The following ZNF676 variants were observed in gnomAD, a reference collection of about 807,000 sequenced individuals.
The protein encoded by ZNF676 is zinc finger protein 676.
ZNF676 carries 4 observed loss-of-function variants against 6.0 expected under a neutral mutation model. The ratio of observed to expected loss-of-function variants is 0.67; its 90% CI spans 0.33 to 1.53. ZNF676 has a LOEUF of 1.53. ZNF676 is among the 40% of genes most tolerant of loss of function. The pLI is 0.06. For missense variants in ZNF676, 644 were observed against 679.7 expected (o/e 0.95, Z 0.58); for synonymous variants, 198 against 223.1 (o/e 0.89, Z 1.00).
At chr19:22,255,127 T>C in the ZNF676 span, among the ~76,000 whole-genome samples, 6 of 152,180 alleles carry the variant, frequency 3.9e-5, no homozygotes, top group Non-Finnish European at 8.8e-5. Flanking sequence ...ATGAACTGTG[T>C]TCCCTCAGTG....
the ZNF676 span, among the ~76,000 whole-genome samples, chr19:22,251,689 A>G: frequency 6.6e-6 from 1 of 151,846 alleles, no homozygotes; most frequent in African/African-American, 2.4e-5. Context: ...TGAGGAAGCT[A>G]AGGCAGGAGA....
intron 2 of ZNF676, among the ~76,000 whole-genome samples, chr19:22,182,594 A>AAAAAAAAAAAAAAAC (rs2023774097): frequency 1.1e-5 from 1 of 88,728 alleles, no homozygotes; most frequent in African/African-American, 4.7e-5. Flanking sequence ...CTAAAAAAAA[A>AAAAAAAAAAAAAAAC]AAAAAAAAGC....
intron 2 of ZNF676, 23 bp from the exon 3 acceptor site, chr19:22,181,609 A>T: frequency 6.7e-7 from 1 of 1,482,702 alleles, no homozygotes; most frequent in South Asian, 1.4e-5. Flanking sequence ...AAAAATAACA[A>T]ATTAATCTAC....
In ZNF676 at chr19:22,181,260, G is replaced by A; in HGVS notation, c.457C>T (p.Leu153Phe). ...CTTTCATGTTGAGATAGGTGTGAAA[G>A]CATGCAAAATGATCTGACATATTCT... is the stretch of plus-strand genomic sequence containing the variant. ...CKEYVRSFCM[L>F]SHLSQHERIY... is the part of the protein sequence containing the mutation. Residue 153 changes from leucine (L) to phenylalanine (F), a missense_variant, in exon 3 of 3, where the codon CTT becomes TTT. Physicochemically the swap from Leu to Phe is conservative, Grantham distance 22. Transcript: ENST00000397121. 1.9e-6 allele frequency: 3 copies of A among 1,613,740 alleles called. No homozygotes were observed. Among genetic ancestry groups the A allele is most frequent in the Admixed American group, 3.3e-5 (2 of 59,980 alleles).
intron 2 of ZNF676, among the ~76,000 whole-genome samples, chr19:22,182,585 T>TTAAAAAAAAAAAAAAAAAAAAAAAAAAA (rs376894161): frequency 4.4e-5 from 2 of 45,066 alleles, no homozygotes; most frequent in African/African-American, 2.1e-4. Context: ...GTCAAAGTTC[T>TTAAAAAAAAAAAAAAAAAAAAAAAAAAA]AAAAAAAAAA....
upstream of ZNF676, among the ~76,000 whole-genome samples, chr19:22,217,290 C>T (rs2024201950): frequency 6.6e-6 from 1 of 152,194 alleles, no homozygotes; most frequent in Admixed American, 6.5e-5. Context: ...GCAACCTCTG[C>T]CTCCCAGGTT....
chr19:22,242,846 G>C, the ZNF676 span, among the ~76,000 whole-genome samples: 16 of 150,150 alleles, frequency 1.1e-4, no homozygotes, highest in African/African-American at 2.5e-4. Flanking sequence ...CCCAAGTTGG[G>C]GGGGGGCTCT....
At chr19:22,239,719 T>C in the ZNF676 span, among the ~76,000 whole-genome samples, 3 of 152,168 alleles carry the variant, frequency 2.0e-5, no homozygotes, top group African/African-American at 7.2e-5. Context: ...TCACAACATT[T>C]GGGTGCTGGG....
At position 22,180,060 on chromosome 19, in the gene ZNF676, T is replaced by C; in HGVS notation, c.1657A>G (p.Arg553Gly). Residue 553 changes from arginine (R) to glycine (G), a missense_variant, in exon 3 of 3, where the codon AGA (arginine) becomes GGA (glycine). Coordinates refer to ENST00000397121, the MANE Select transcript of ZNF676 (RefSeq NM_001001411.3). ...TAGGGTTTCTCTCCAGTATGAATTC[T>C]CTTGTGTCTAGTAAGGCTTGAGGAT... ...SRSSSLTRHKRIHTGEKPYKC... is the reference protein window; with the variant it reads ...SRSSSLTRHKGIHTGEKPYKC... 1 of 1,613,870 alleles carries C rather than the reference T, an allele frequency of 6.2e-7. No individual in the cohort carries two copies. Among genetic ancestry groups the C allele is most frequent in the Non-Finnish European group, 8.5e-7 (1 of 1,179,850 alleles).
Position 22,179,786 on chromosome 19 carries a change from AGT to A in ZNF676, c.*162_*163del, listed in dbSNP as rs3035028. The A allele has an allele frequency of 2.1e-3, 1,848 of 867,240 alleles. 2 individuals are homozygous for A. The highest frequency in any genetic ancestry group is 3.1e-3 in the Non-Finnish European group (1,602 of 524,512). The allele number at this position is 867,240 out of a possible 1,614,324, so 53.7% of individuals were successfully genotyped here. ...CCTTTGTCACATTCTTCACGTTTGT[AGT>A]GTTTCTCTCCAGCATGAATTTTCTT... On this transcript the variant is annotated 3_prime_UTR_variant, in exon 3 of 3. Coordinates refer to ENST00000397121, the MANE Select transcript of ZNF676 (RefSeq NM_001001411.3).
rs561978433 is a variant in ZNF676, at chr19:22,186,564, C to T, written c.131-4978G>A. On this transcript the variant is annotated intron_variant, in intron 2 of 2. Coordinates refer to ENST00000397121, the MANE Select transcript of ZNF676 (RefSeq NM_001001411.3). ...CCTTAAATGTAAACAGGCTAAATGC[C>T]CCAATTAAAAGACACAGACTGGCAA... Among the ~76,000 whole-genome samples the T allele has an allele frequency of 8.7e-4, 132 of 152,054 alleles. 2 individuals are homozygous for T. In the South Asian group the frequency reaches 0.025, roughly 28 times the overall value.
At chr19:22,255,195 G>T in the ZNF676 span, among the ~76,000 whole-genome samples, 2 of 152,126 alleles carry the variant, frequency 1.3e-5, no homozygotes, top group Non-Finnish European at 2.9e-5. Context: ...ACCCATCTGT[G>T]GACAAGATCC....
chr19:22,228,077 C>T, the ZNF676 span, among the ~76,000 whole-genome samples: 1 of 152,162 alleles, frequency 6.6e-6, no homozygotes, highest in Non-Finnish European at 1.5e-5. Flanking sequence ...GCCAATATCC[C>T]TGATGAACAT....
At chr19:22,217,472 G>T (rs1396704672), upstream of ZNF676, among the ~76,000 whole-genome samples, 1 of 152,168 alleles carries the variant, frequency 6.6e-6, no homozygotes, top group South Asian at 2.1e-4. Flanking sequence ...AAAGTGCTGG[G>T]ATTACAGGCG....
the ZNF676 span, among the ~76,000 whole-genome samples, chr19:22,251,359 T>C: frequency 6.6e-6 from 1 of 152,230 alleles, no homozygotes; most frequent in Admixed American, 6.5e-5. Flanking sequence ...ATGGTACACC[T>C]GTTGTTACAC....
the ZNF676 span, among the ~76,000 whole-genome samples, chr19:22,234,214 C>G: frequency 6.6e-6 from 1 of 152,180 alleles, no homozygotes; most frequent in Non-Finnish European, 1.5e-5. Context: ...TCAGGTGGTG[C>G]CTTCATATTA....
chr19:22,191,599 CCA>C (rs2023907535), intron 2 of ZNF676, among the ~76,000 whole-genome samples: 2 of 152,148 alleles, frequency 1.3e-5, no homozygotes, highest in Non-Finnish European at 2.9e-5. Flanking sequence ...CCATACTAAT[CCA>C]CATCCTAATA....
chr19:22,216,897 T>G (rs1386346858), upstream of ZNF676, among the ~76,000 whole-genome samples: 1 of 149,366 alleles, frequency 6.7e-6, no homozygotes, highest in Admixed American at 6.7e-5. Context: ...ATCAAGCCAC[T>G]GCACTCCATT....
intron 2 of ZNF676, among the ~76,000 whole-genome samples, chr19:22,190,789 TA>T (rs1003370399): frequency 4.0e-5 from 6 of 151,186 alleles, no homozygotes; most frequent in African/African-American, 1.5e-4. Flanking sequence ...ATTTGAAATA[TA>T]AAAATACTGG....
Sources: allele counts gnomAD v4.1 joint callset (sites outside exome capture counted in the v4.1 genomes callset), GRCh38; gene constraint gnomAD v4.1.1; transcripts MANE v1.5; gene names NCBI Gene and HGNC (gene_info 2026-07-23, HGNC 2026-07-21).